The following OXSR1 variants were observed in gnomAD, a reference collection of about 807,000 sequenced individuals.
OXSR1 encodes oxidative stress responsive kinase 1.
In OXSR1, 24 loss-of-function variants were observed where a neutral mutation model predicts 79.8. The observed-to-expected ratio is 0.30, with a 90% CI of 0.22 to 0.42. The LOEUF is 0.42. Among genes scored for constraint, OXSR1 ranks in the 10% least tolerant of loss-of-function variants. The pLI is 1.00. For missense variants in OXSR1, 430 were observed against 618.4 expected, an observed-to-expected ratio of 0.70 and a Z score of 3.23; for synonymous variants, 226 against 209.2, an observed-to-expected ratio of 1.08 and a Z score of -0.69.
At chr3:38,231,554 C>G (rs944931926) in intron 10 of OXSR1, among the ~76,000 whole-genome samples, 3 of 152,180 alleles carry the variant, frequency 2.0e-5, no homozygotes, top group Non-Finnish European at 4.4e-5. Flanking sequence ...CTCTCTATCC[C>G]TTTACCCTAC....
chr3:38,166,080 G>T (rs1246010200), intron 1 of OXSR1, 134 bp downstream of exon 1: 2 of 802,252 alleles, frequency 2.5e-6, no homozygotes, highest in Non-Finnish European at 4.1e-6. Flanking sequence ...CTGGGGGCTT[G>T]TAGGACGCTT....
chr3:38,175,372 C>A (rs976879296), intron 1 of OXSR1, among the ~76,000 whole-genome samples: 1 of 152,150 alleles, frequency 6.6e-6, no homozygotes, highest in African/African-American at 2.4e-5. Flanking sequence ...GCAGTATGAT[C>A]ATGGCTCACC....
chr3:38,211,375 G>A (rs1425714599), intron 4 of OXSR1, among the ~76,000 whole-genome samples: 1 of 152,050 alleles, frequency 6.6e-6, no homozygotes, highest in African/African-American at 2.4e-5. Context: ...GTACATACAG[G>A]TTCAGGATTG....
At chr3:38,194,448 G>A (rs1452690461) in intron 3 of OXSR1, among the ~76,000 whole-genome samples, 1 of 152,164 alleles carries the variant, frequency 6.6e-6, no homozygotes, top group African/African-American at 2.4e-5. Context: ...GGAGGCTGGA[G>A]GATAGCTTGA....
At chr3:38,228,966 G>A (rs1345674899) in intron 8 of OXSR1, among the ~76,000 whole-genome samples, 1 of 152,190 alleles carries the variant, frequency 6.6e-6, no homozygotes, top group Non-Finnish European at 1.5e-5. Context: ...ACCTTAGAGA[G>A]GTTGTGATTT....
chr3:38,194,548 T>C (rs1290300863), intron 3 of OXSR1, among the ~76,000 whole-genome samples: 1 of 151,764 alleles, frequency 6.6e-6, no homozygotes, highest in Non-Finnish European at 1.5e-5. Context: ...TAAAAAAAAA[T>C]TAAAAATTAA....
At chr3:38,218,323 T>C (rs1269265188) in intron 5 of OXSR1, among the ~76,000 whole-genome samples, 2 of 152,112 alleles carry the variant, frequency 1.3e-5, no homozygotes, top group South Asian at 2.1e-4. Context: ...TGTTAGTTTC[T>C]GGGTTTTTTG....
chr3:38,183,433 G>A (rs904243260), intron 2 of OXSR1, among the ~76,000 whole-genome samples: 13 of 152,112 alleles, frequency 8.5e-5, no homozygotes, highest in African/African-American at 3.1e-4. Flanking sequence ...TTCTGTGTCT[G>A]TAAATATGGA....
Position 38,230,436 on chromosome 3 carries a change from T to C in OXSR1, c.951+6T>C. ...TTTCTGAAAGAGCAAAAAAGGTAAA[T>C]CAGAATTTAACTCAGTTTTCCTGAA... On this transcript the variant is annotated splice_donor_region_variant and intron_variant, in intron 10 of 17. Coordinates refer to ENST00000311806, the MANE Select transcript of OXSR1 (RefSeq NM_005109.3). The C allele has an allele frequency of 1.3e-6, 2 of 1,581,868 alleles. No homozygotes were observed. The highest frequency in any genetic ancestry group is 1.1e-5 in the South Asian group (1 of 90,128).
chr3:38,242,838 A>G, intron 12 of OXSR1, 60 bp downstream of exon 12: 2 of 1,039,456 alleles, frequency 1.9e-6, no homozygotes, highest in Non-Finnish European at 3.0e-6. Context: ...TTTGGTTTCA[A>G]TTCGAAGTGC....
intron 9 of OXSR1, among the ~76,000 whole-genome samples, chr3:38,229,969 T>G (rs536153514): frequency 6.6e-6 from 1 of 152,306 alleles, no homozygotes; most frequent in South Asian, 2.1e-4. Context: ...GATTATTAAA[T>G]TTTGCCATTA....
intron 5 of OXSR1, among the ~76,000 whole-genome samples, chr3:38,217,612 G>C (rs931545041): frequency 1.3e-5 from 2 of 152,034 alleles, no homozygotes; most frequent in Non-Finnish European, 2.9e-5. Context: ...ACTGCAACCT[G>C]TGCCTTCCAG....
At chr3:38,208,406 G>A (rs1702312665) in intron 4 of OXSR1, among the ~76,000 whole-genome samples, 1 of 152,114 alleles carries the variant, frequency 6.6e-6, no homozygotes, top group Non-Finnish European at 1.5e-5. Flanking sequence ...GACCCTCGGT[G>A]TTTCCAAGAT....
intron 4 of OXSR1, among the ~76,000 whole-genome samples, chr3:38,208,453 G>A (rs560231370): frequency 1.9e-4 from 29 of 152,194 alleles, no homozygotes; most frequent in South Asian, 4.1e-4. Flanking sequence ...AGAGTCAGTT[G>A]TTCTCATTCA....
Position 38,193,447 on chromosome 3 carries a change from C to T in OXSR1, c.292+2608C>T, listed in dbSNP as rs1266121173. 2.4e-6 allele frequency: 3 copies of T among 1,225,270 alleles called. No homozygotes were observed. In the African/African-American group the frequency reaches 4.7e-5, roughly 19 times the overall value. 75.9% of individuals were successfully genotyped at this position (1,225,270 alleles called of 1,614,324 possible). ...ATACTGTATCTTTCGTTATTGATCA[C>T]CTATAGCATAATTTTCTTTATTTGT... On this transcript the variant is annotated intron_variant, in intron 3 of 17. Coordinates refer to ENST00000311806, the MANE Select transcript of OXSR1 (RefSeq NM_005109.3).
At chr3:38,180,467 C>T (rs1701761590) in intron 1 of OXSR1, among the ~76,000 whole-genome samples, 1 of 150,376 alleles carries the variant, frequency 6.6e-6, no homozygotes, top group Non-Finnish European at 1.5e-5. Flanking sequence ...ATAATGCAAA[C>T]AGTGTTTTTA....
intron 5 of OXSR1, among the ~76,000 whole-genome samples, chr3:38,219,429 C>T (rs1457046844): frequency 1.3e-5 from 2 of 152,050 alleles, no homozygotes; most frequent in African/African-American, 4.8e-5. Flanking sequence ...TTTTAAGGCA[C>T]GACTTTGTCT....
chr3:38,182,369 G>A (rs1701803419), intron 1 of OXSR1, among the ~76,000 whole-genome samples: 1 of 152,166 alleles, frequency 6.6e-6, no homozygotes, highest in Admixed American at 6.5e-5. Context: ...TGCTGATGCT[G>A]GGGAGGACTG....
intron 4 of OXSR1, among the ~76,000 whole-genome samples, chr3:38,205,734 T>G (rs2125824839): frequency 6.6e-6 from 1 of 152,352 alleles, no homozygotes; most frequent in South Asian, 2.1e-4. Flanking sequence ...CATCGTGGTC[T>G]GTCTGCCTTA....
Sources: gnomAD v4.1 joint callset for allele counts (sites outside exome capture counted in the v4.1 genomes callset) on GRCh38, gnomAD v4.1.1 for gene constraint, MANE v1.5 for transcripts, NCBI Gene and HGNC (gene_info 2026-07-23, HGNC 2026-07-21) for gene names.